The following PRKAG2 variants were observed in gnomAD, a reference collection of about 807,000 sequenced individuals.
PRKAG2 encodes 5'-AMP-activated protein kinase subunit gamma-2.
In PRKAG2, 26 loss-of-function variants were observed where a neutral mutation model predicts 69.6. The observed-to-expected ratio is 0.37, with a 90% CI of 0.27 to 0.52. The LOEUF is 0.52. Ranked by LOEUF, PRKAG2 falls within the 20% of genes least tolerant of loss-of-function variation. The probability of loss-of-function intolerance (pLI) is 0.90; values close to 1 mark genes in which losing one functional copy is unlikely to be tolerated. For missense variants in PRKAG2, 557 were observed against 740.0 expected (o/e 0.75, Z 2.87); for synonymous variants, 293 against 285.0 (o/e 1.03, Z -0.28).
intron 3 of PRKAG2, among the ~76,000 whole-genome samples, chr7:151,763,660 C>T (rs1186898121): frequency 6.6e-6 from 1 of 152,254 alleles, no homozygotes. Context: ...TGATCGTCCC[C>T]TCTCTTGAGG....
At chr7:151,734,043 G>A (rs2151690796) in intron 3 of PRKAG2, among the ~76,000 whole-genome samples, 1 of 152,082 alleles carries the variant, frequency 6.6e-6, no homozygotes, top group Non-Finnish European at 1.5e-5. Flanking sequence ...TGAGTAGCTG[G>A]AACTCTACTC....
chr7:151,692,640 T>C (rs1180792454), intron 3 of PRKAG2, among the ~76,000 whole-genome samples: 4 of 152,154 alleles, frequency 2.6e-5, no homozygotes, highest in Admixed American at 1.3e-4. Flanking sequence ...AACAGTGCCC[T>C]AACATGAGTT....
At chr7:151,849,613 G>A (rs539525181) in intron 1 of PRKAG2, among the ~76,000 whole-genome samples, 119 of 152,256 alleles carry the variant, frequency 7.8e-4, no homozygotes, top group Non-Finnish European at 1.3e-3. Context: ...GCAGGGCCGC[G>A]CCCTCTCTGA....
At chr7:151,671,820 G>A (rs1362929211) in intron 4 of PRKAG2, among the ~76,000 whole-genome samples, 2 of 152,220 alleles carry the variant, frequency 1.3e-5, no homozygotes, top group African/African-American at 4.8e-5. Context: ...CAAGTGGGGT[G>A]AGGGGCTTGC....
At chr7:151,586,459 C>T (rs940496666) in intron 6 of PRKAG2, among the ~76,000 whole-genome samples, 5 of 152,112 alleles carry the variant, frequency 3.3e-5, no homozygotes, top group South Asian at 2.1e-4. Flanking sequence ...CTCTGGCCTC[C>T]GAAATCAGAC....
At chr7:151,643,780 G>T (rs753383085) in intron 4 of PRKAG2, among the ~76,000 whole-genome samples, 2 of 152,226 alleles carry the variant, frequency 1.3e-5, no homozygotes, top group Admixed American at 6.5e-5. Flanking sequence ...AGAATGATTT[G>T]TAGTGTCCCT....
Position 151,759,619 on chromosome 7 carries a change from T to C in PRKAG2, c.466+21533A>G, listed in dbSNP as rs1586335378. On this transcript the variant is annotated intron_variant, in intron 3 of 15. Transcript: ENST00000287878. ...TCTGTCTGGGAGGCGCATTTGAAGG[T>C]GAACCGCACTGGAAAAAACCCAGGC... 2.0e-5 allele frequency among the ~76,000 whole-genome samples: 3 copies of C among 152,296 alleles called. No individual in the cohort carries two copies. In the South Asian group the frequency reaches 6.2e-4, roughly 32 times the overall value.
At chr7:151,843,743 A>G (rs1311976105) in intron 1 of PRKAG2, among the ~76,000 whole-genome samples, 1 of 152,240 alleles carries the variant, frequency 6.6e-6, no homozygotes, top group African/African-American at 2.4e-5. Flanking sequence ...TTCATTTGGA[A>G]TCAGCTGACT....
chr7:151,589,888 T>C (rs1812637811), intron 6 of PRKAG2, among the ~76,000 whole-genome samples: 1 of 152,084 alleles, frequency 6.6e-6, no homozygotes, highest in South Asian at 2.1e-4. Context: ...TGAGCCAAGA[T>C]CGTACCACTG....
intron 9 of PRKAG2, 147 bp downstream of exon 9, chr7:151,572,517 C>G: frequency 1.6e-6 from 1 of 643,354 alleles, no homozygotes; most frequent in South Asian, 1.9e-5. Context: ...CAGTAGCATA[C>G]TATCAAAATT....
At chr7:151,596,984 C>CA (rs983635362) in intron 5 of PRKAG2, among the ~76,000 whole-genome samples, 3 of 151,876 alleles carry the variant, frequency 2.0e-5, no homozygotes, top group Admixed American at 2.0e-4. Flanking sequence ...GAATTTTGAG[C>CA]AAAAAGAACA....
chr7:151,663,186 T>C (rs972467501), intron 4 of PRKAG2, among the ~76,000 whole-genome samples: 2 of 152,192 alleles, frequency 1.3e-5, no homozygotes, highest in Admixed American at 1.3e-4. Context: ...CCACTTCAAA[T>C]GTGCAGCCCT....
At chr7:151,869,699 T>C (rs2080167474) in intron 1 of PRKAG2, among the ~76,000 whole-genome samples, 1 of 152,256 alleles carries the variant, frequency 6.6e-6, no homozygotes, top group Non-Finnish European at 1.5e-5. Context: ...CACTGGGCCG[T>C]GCTCAAGCGG....
At position 151,814,592 on chromosome 7, in the gene PRKAG2, C is replaced by A; in HGVS notation, c.115-28051G>T. 8.1e-7 allele frequency: 1 copy of A among 1,231,806 alleles called. No homozygotes were observed. Among genetic ancestry groups the A allele is most frequent in the Non-Finnish European group, 1.0e-6 (1 of 987,998 alleles). The allele number at this position is 1,231,806 out of a possible 1,614,324, so 76.3% of individuals were successfully genotyped here. On this transcript the variant is annotated intron_variant, in intron 1 of 15. Coordinates refer to ENST00000287878, the MANE Select transcript of PRKAG2 (RefSeq NM_016203.4). This position sits in a 1 kb window ranked among gnomAD's most constrained non-coding sequence, Gnocchi z 4.8. ...AGAAGGGGTTTCCCAGCCCCTTCAG[C>A]ACAGGCAATTTCTAGGGTTCGGCTG...
chr7:151,701,044 G>C (rs995877527), intron 3 of PRKAG2, among the ~76,000 whole-genome samples: 3 of 152,172 alleles, frequency 2.0e-5, no homozygotes, highest in Non-Finnish European at 4.4e-5. Flanking sequence ...GCAGACGCCT[G>C]TCCTCTCCTC....
At chr7:151,779,296 C>T (rs1233789144) in intron 3 of PRKAG2, among the ~76,000 whole-genome samples, 1 of 152,234 alleles carries the variant, frequency 6.6e-6, no homozygotes, top group African/African-American at 2.4e-5. Flanking sequence ...TGAGCTGCAG[C>T]CTAGGCCCTG....
chr7:151,759,585 C>T (rs1417829886), intron 3 of PRKAG2, among the ~76,000 whole-genome samples: 1 of 152,204 alleles, frequency 6.6e-6, no homozygotes, highest in Non-Finnish European at 1.5e-5. Flanking sequence ...CTCCTAACAC[C>T]AGCTTTCTTC....
At chr7:151,811,896 G>A (rs957044253) in intron 1 of PRKAG2, among the ~76,000 whole-genome samples, 1 of 152,214 alleles carries the variant, frequency 6.6e-6, no homozygotes, top group Admixed American at 6.5e-5. Flanking sequence ...CCGAGGGCCC[G>A]AGTTTGAGCT....
chr7:151,632,194 C>T lies in PRKAG2; in HGVS notation c.685-56G>A, dbSNP rs1824726664. 1.7e-6 allele frequency: 2 copies of T among 1,196,706 alleles called. No homozygotes were observed. Among genetic ancestry groups the T allele is most frequent in the Non-Finnish European group, 2.1e-6 (2 of 960,212 alleles). 74.1% of individuals were successfully genotyped at this position (1,196,706 alleles called of 1,614,324 possible). A position where few individuals can be genotyped will look rare whatever the true frequency, so the allele number is the denominator to read the frequency against. On this transcript the variant is annotated intron_variant, in intron 4 of 15. Coordinates refer to ENST00000287878, the MANE Select transcript of PRKAG2 (RefSeq NM_016203.4). This position sits in a 1 kb window ranked among gnomAD's most constrained non-coding sequence, Gnocchi z 4.2. ...ATGAGCTGCGACGCTCGTCCCCGGC[C>T]GGCGGGCTCGCGGCCGGCCGAGCGC...
Sources: gnomAD v4.1 joint callset for allele counts (sites outside exome capture counted in the v4.1 genomes callset) on GRCh38, gnomAD v4.1.1 for gene constraint, Gnocchi (gnomAD v3.1) non-coding constraint, MANE v1.5 for transcripts, NCBI Gene and HGNC (gene_info 2026-07-23, HGNC 2026-07-21) for gene names.